The following TOPAZ1 variants were observed in gnomAD, a reference collection of about 807,000 sequenced individuals.
The protein encoded by TOPAZ1 is protein TOPAZ1.
TOPAZ1 carries 66 observed loss-of-function variants against 172.2 expected under a neutral mutation model. The ratio of observed to expected loss-of-function variants is 0.38; its 90% CI spans 0.31 to 0.47. The LOEUF is 0.47. Among genes scored for constraint, TOPAZ1 ranks in the 20% least tolerant of loss-of-function variants. The pLI is 0.99. For missense variants in TOPAZ1, 1,822 were observed against 1,972.4 expected, an observed-to-expected ratio of 0.92 and a Z score of 1.44; for synonymous variants, 681 against 683.9, an observed-to-expected ratio of 1.00 and a Z score of 0.07.
rs1559527707 is a variant in TOPAZ1, at chr3:44,257,381, GTGTGTGTGTGTGTGT to G, written c.2955+1104_2955+1118del. ...TGTGTGTGTGTGTGTGTGTGTGTGT[GTGTGTGTGTGTGTGT>G]GTGTGTGTGTGTCTATTTTATATAT... On this transcript the variant is annotated intron_variant, in intron 4 of 19. Transcript: ENST00000309765. 6.9e-4 allele frequency among the ~76,000 whole-genome samples: 94 copies of G among 136,954 alleles called. 2 individuals are homozygous for G. In the East Asian group the frequency reaches 0.017, roughly 24 times the overall value. 89.8% of individuals were successfully genotyped at this position (136,954 alleles called of 152,430 possible). A position where few individuals can be genotyped will look rare whatever the true frequency, so the allele number is the denominator to read the frequency against.
In TOPAZ1 at chr3:44,243,773, C is replaced by G; in HGVS notation, c.1267C>G (p.Leu423Val). ...NAVFQKTIEP[L>V]LKEETENASE... ...TGTGTTTCAGAAAACCATTGAACCA[C>G]TTTTGAAAGAAGAAACAGAGAATGC... Residue 423 changes from leucine to valine, a missense_variant, in exon 2 of 20, where the codon CTT (leucine) becomes GTT (valine). Transcript: ENST00000309765. The G allele has an allele frequency of 1.9e-6, 3 of 1,551,716 alleles. No homozygotes were observed. Among genetic ancestry groups the G allele is most frequent in the Non-Finnish European group, 2.6e-6 (3 of 1,146,976 alleles).
At chr3:44,248,192 T>C (rs1053684527) in intron 2 of TOPAZ1, among the ~76,000 whole-genome samples, 1 of 152,224 alleles carries the variant, frequency 6.6e-6, no homozygotes, top group African/African-American at 2.4e-5. Context: ...GCCAAACTAA[T>C]ACTCCCACTG....
chr3:44,303,469 T>A (rs1316417573), intron 12 of TOPAZ1, among the ~76,000 whole-genome samples: 1 of 135,154 alleles, frequency 7.4e-6, no homozygotes, highest in Non-Finnish European at 1.5e-5. Flanking sequence ...TCTACCCAGA[T>A]GCTTGCTTGC....
At chr3:44,255,668 T>TACACAC (rs1489281875) in intron 3 of TOPAZ1, among the ~76,000 whole-genome samples, 15 of 30,308 alleles carry the variant, frequency 4.9e-4, no homozygotes, top group Non-Finnish European at 7.7e-4. Flanking sequence ...AAAAAATATA[T>TACACAC]ATACACACAC....
At chr3:44,302,856 G>A (rs1292097745) in intron 12 of TOPAZ1, among the ~76,000 whole-genome samples, 2 of 152,044 alleles carry the variant, frequency 1.3e-5, no homozygotes, top group Non-Finnish European at 2.9e-5. Context: ...GTGTGTTGAT[G>A]GATTGAGACA....
intron 12 of TOPAZ1, among the ~76,000 whole-genome samples, chr3:44,300,514 A>G (rs1700260005): frequency 6.6e-6 from 1 of 152,224 alleles, no homozygotes; most frequent in South Asian, 2.1e-4. Flanking sequence ...ACATGAAAAT[A>G]AGTTCAACAT....
At position 44,332,026 on chromosome 3, in the gene TOPAZ1, T is replaced by G; in HGVS notation, c.*15T>G. On this transcript the variant is annotated 3_prime_UTR_variant, in exon 20 of 20. Coordinates refer to ENST00000309765, the MANE Select transcript of TOPAZ1 (RefSeq NM_001145030.2). ...GTAACCATTAGCTAATAAAGTCTGCTTTTTTTTTTTTTTTAGTTCAAGTAA... is the reference window on the plus strand; with the variant it reads ...GTAACCATTAGCTAATAAAGTCTGCGTTTTTTTTTTTTTTAGTTCAAGTAA... 1.2e-5 allele frequency: 2 copies of G among 170,102 alleles called. No homozygotes were observed. Among genetic ancestry groups the G allele is most frequent in the Non-Finnish European group, 1.1e-5 (1 of 90,342 alleles). The allele number at this position is 170,102 out of a possible 1,614,324, so 10.5% of individuals were successfully genotyped here.
intron 12 of TOPAZ1, among the ~76,000 whole-genome samples, chr3:44,298,941 G>T (rs1700237270): frequency 3.3e-5 from 1 of 30,276 alleles, no homozygotes; most frequent in African/African-American, 1.0e-4. Flanking sequence ...TTTTCCCCCT[G>T]AGATAGAGTC....
chr3:44,241,897 C>T lies in TOPAZ1; in HGVS notation c.-157C>T, dbSNP rs907054938. On this transcript the variant is annotated 5_prime_UTR_variant, in exon 1 of 20. It adds an upstream start codon to the 5' untranslated region. Coordinates refer to ENST00000309765, the MANE Select transcript of TOPAZ1 (RefSeq NM_001145030.2). ...AGACACGAGGCCCCACTTCCGCTTACGCGCCCCACTTCCGCTTCCGGCCCC... is the reference window on the plus strand; with the variant it reads ...AGACACGAGGCCCCACTTCCGCTTATGCGCCCCACTTCCGCTTCCGGCCCC... 7.2e-5 allele frequency: 51 copies of T among 705,972 alleles called. No homozygotes were observed. The highest frequency in any genetic ancestry group is 9.9e-5 in the Non-Finnish European group (44 of 446,364). 43.7% of individuals were successfully genotyped at this position (705,972 alleles called of 1,614,324 possible).
intron 4 of TOPAZ1, among the ~76,000 whole-genome samples, chr3:44,258,495 T>C (rs1178519292): frequency 1.3e-5 from 2 of 152,188 alleles, no homozygotes. Flanking sequence ...CAACCACATA[T>C]CTGTTCTGCA....
chr3:44,285,791 G>C (rs1241626241), intron 9 of TOPAZ1, among the ~76,000 whole-genome samples: 1 of 151,560 alleles, frequency 6.6e-6, no homozygotes, highest in Non-Finnish European at 1.5e-5. Context: ...GGCTGGTCTC[G>C]AACTCTTGAC....
Position 44,243,219 on chromosome 3 carries a change from G to T in TOPAZ1, c.713G>T (p.Cys238Phe). 1 of 1,550,008 alleles carries T rather than the reference G, an allele frequency of 6.5e-7. No individual in the cohort carries two copies. The change falls in exon 2 of 20, where the codon TGT becomes TTT. Residue 238 changes from cysteine (C) to phenylalanine (F), a missense_variant. Around this residue, in one of 2 missense-constraint regions of TOPAZ1, gnomAD observed 1,489 missense variants for 1,490.8 expected, o/e 1.00. Transcript: ENST00000309765. ...DCNCFPHSKG[C>F]NDENNLPYKP... ...AATTGTTTCCCCCATTCCAAGGGTT[G>T]TAATGATGAAAACAACCTGCCATAT... is the stretch of plus-strand genomic sequence containing the variant.
intron 16 of TOPAZ1, among the ~76,000 whole-genome samples, chr3:44,317,552 C>T (rs1254894888): frequency 6.6e-6 from 1 of 152,156 alleles, no homozygotes; most frequent in African/African-American, 2.4e-5. Flanking sequence ...CTTGGAAATT[C>T]ATTTAATAGT....
intron 3 of TOPAZ1, among the ~76,000 whole-genome samples, chr3:44,255,849 T>C (rs1699696639): frequency 6.6e-6 from 1 of 150,854 alleles, no homozygotes; most frequent in Admixed American, 6.6e-5. Flanking sequence ...AAATACATTT[T>C]ATTTTATAAG....
intron 3 of TOPAZ1, among the ~76,000 whole-genome samples, chr3:44,255,435 G>A (rs1287449093): frequency 2.0e-5 from 3 of 151,844 alleles, no homozygotes; most frequent in East Asian, 1.9e-4. Context: ...GGTGGATCAC[G>A]AGGTCAGGAG....
chr3:44,317,253 G>A (rs535293665), intron 16 of TOPAZ1, among the ~76,000 whole-genome samples: 34 of 152,010 alleles, frequency 2.2e-4, no homozygotes, highest in Middle Eastern at 3.4e-3. Context: ...AAACCCTGTC[G>A]CTAAGAAAAA....
At chr3:44,258,416 T>C (rs1699739124) in intron 4 of TOPAZ1, among the ~76,000 whole-genome samples, 1 of 152,232 alleles carries the variant, frequency 6.6e-6, no homozygotes, top group South Asian at 2.1e-4. Flanking sequence ...GGATCCCTCA[T>C]GTTGCCCTTT....
rs1700659788 is a variant in TOPAZ1, at chr3:44,330,843, T to TG, written c.4860-948dup. Among the ~76,000 whole-genome samples, 3 of 152,332 alleles carry TG rather than the reference T, an allele frequency of 2.0e-5. No individual in the cohort carries two copies. The South Asian group carries it at 6.2e-4, about 32-fold the overall frequency. ...ACCGTGTGAATTTTATGCAGGTCAG[T>TG]GCAGTCACAATTGATTGCAGATGGC... On this transcript the variant is annotated intron_variant, in intron 19 of 19. Transcript: ENST00000309765.
Position 44,243,311 on chromosome 3 carries a change from G to C in TOPAZ1, c.805G>C (p.Ala269Pro), listed in dbSNP as rs1699510611. The C allele has an allele frequency of 1.3e-6, 2 of 1,551,332 alleles. No individual in the cohort carries two copies. Among genetic ancestry groups the C allele is most frequent in the Non-Finnish European group, 1.7e-6 (2 of 1,146,920 alleles). Residue 269 changes from alanine (A) to proline (P), a missense_variant, in exon 2 of 20, where the codon GCA becomes CCA. By Grantham distance (27) the Ala-to-Pro change is conservative. Around this residue, in one of 2 missense-constraint regions of TOPAZ1, gnomAD observed 1,489 missense variants for 1,490.8 expected, o/e 1.00. Transcript: ENST00000309765. ...FSKKENLRSL[A>P]EKSDTNSIPQ... ...AAAGAAAGAAAACCTTAGGAGTCTT[G>C]CAGAGAAGAGTGACACAAATAGTAT...
Sources: gnomAD v4.1 joint callset for allele counts (sites outside exome capture counted in the v4.1 genomes callset) on GRCh38, gnomAD v4.1.1 for gene constraint, gnomAD v4.1.1 regional missense constraint, MANE v1.5 for transcripts, NCBI Gene and HGNC (gene_info 2026-07-23, HGNC 2026-07-21) for gene names.